Variants in ZMYM4 observed in about 807,000 individuals in gnomAD.
The protein encoded by ZMYM4 is zinc finger MYM-type protein 4.
A neutral mutation model predicts 183.2 loss-of-function variants in ZMYM4; 31 were observed. The ratio of observed to expected loss-of-function variants is 0.17; its 90% CI spans 0.13 to 0.23. The LOEUF is 0.23. Among genes scored for constraint, ZMYM4 ranks in the 10% least tolerant of loss-of-function variants. The pLI is 1.00. For missense variants in ZMYM4, 1,273 were observed against 1,840.3 expected (o/e 0.69, Z 5.64); for synonymous variants, 592 against 631.2 (o/e 0.94, Z 0.93).
rs1231646476 is a variant in ZMYM4 at position 35,352,386 on chromosome 1, G to GCGCGCACACACA, written c.86-6538_86-6537insGCGCACACACAC. Among the ~76,000 whole-genome samples, 940 of 128,462 alleles carry GCGCGCACACACA rather than the reference G, an allele frequency of 7.3e-3. 28 individuals are homozygous for GCGCGCACACACA. In the East Asian group the frequency reaches 0.1, roughly 14 times the overall value. 84.3% of individuals were successfully genotyped at this position (128,462 alleles called of 152,430 possible). On this transcript the variant is annotated intron_variant, in intron 2 of 29. Coordinates refer to ENST00000314607, the MANE Select transcript of ZMYM4 (RefSeq NM_005095.3). ...CTCTACTAATAATTTAAAAATTAGC[G>GCGCGCACACACA]CACACACACACACACACACACACAC...
intron 26 of ZMYM4, among the ~76,000 whole-genome samples, chr1:35,409,979 A>G (rs932270914): frequency 6.6e-6 from 1 of 151,770 alleles, no homozygotes; most frequent in Non-Finnish European, 1.5e-5. Context: ...ATCATGGCTT[A>G]TGGTTCTGCA....
chr1:35,367,024 C>CAA (rs1213113614), intron 5 of ZMYM4, among the ~76,000 whole-genome samples: 177 of 82,876 alleles, frequency 2.1e-3, no homozygotes, highest in African/African-American at 4.2e-3. Flanking sequence ...AACTCCATCT[C>CAA]AAAAAAAAAA....
At chr1:35,301,545 C>CAAAAAAAGAAAAAAAAAAAAAA (rs1641278716) in intron 1 of ZMYM4, among the ~76,000 whole-genome samples, 1 of 80,660 alleles carries the variant, frequency 1.2e-5, no homozygotes. Flanking sequence ...GAGGGTGTCT[C>CAAAAAAAGAAAAAAAAAAAAAA]AAAAAAAAAA....
At chr1:35,350,075 G>A (rs1421531736) in intron 2 of ZMYM4, among the ~76,000 whole-genome samples, 1 of 151,360 alleles carries the variant, frequency 6.6e-6, no homozygotes, top group African/African-American at 2.4e-5. Context: ...TGATCCTCCT[G>A]CCTCAGCCTC....
intron 2 of ZMYM4, among the ~76,000 whole-genome samples, chr1:35,328,559 G>A (rs1020902766): frequency 7.0e-6 from 1 of 142,368 alleles, no homozygotes; most frequent in Non-Finnish European, 1.5e-5. Context: ...GCCTCCCAAA[G>A]TGCTGGGATT....
chr1:35,411,187 CT>C (rs1019150941), intron 26 of ZMYM4, among the ~76,000 whole-genome samples: 3,468 of 131,408 alleles, frequency 0.026, 98 homozygotes, highest in African/African-American at 0.085. Context: ...TTTCTTTTTT[CT>C]TTTTTTTTTT....
intron 2 of ZMYM4, among the ~76,000 whole-genome samples, chr1:35,328,081 T>A (rs1382643312): frequency 3.9e-5 from 6 of 152,178 alleles, no homozygotes; most frequent in Non-Finnish European, 7.3e-5. Context: ...AAGGTTTTAA[T>A]CTGATGGATT....
At chr1:35,336,925 A>G (rs898311056) in intron 2 of ZMYM4, among the ~76,000 whole-genome samples, 11 of 152,178 alleles carry the variant, frequency 7.2e-5, no homozygotes, top group African/African-American at 2.7e-4. Context: ...CTCATGAGGT[A>G]TCATGGTTTT....
chr1:35,348,173 G>A (rs917465384), intron 2 of ZMYM4, among the ~76,000 whole-genome samples: 1 of 152,160 alleles, frequency 6.6e-6, no homozygotes, highest in African/African-American at 2.4e-5. Context: ...TAAAGCCTTA[G>A]TGCGTAAGTT....
In ZMYM4 at chr1:35,399,524, G is replaced by A. The variant is rs373762116; in HGVS notation, c.3476G>A (p.Arg1159His). ...PLNKGQGIQA[R>H]SRTRRRHRDG... is the part of the protein sequence containing the mutation. ...AATAAAGGACAGGGAATCCAGGCACGTTCCCGAACAAGACGACGACACAGA... is the reference window on the plus strand; with the variant it reads ...AATAAAGGACAGGGAATCCAGGCACATTCCCGAACAAGACGACGACACAGA... The change falls in exon 23 of 30, where the codon CGT (arginine) becomes CAT (histidine). Residue 1159 changes from arginine to histidine, a missense_variant. Coordinates refer to ENST00000314607, the MANE Select transcript of ZMYM4 (RefSeq NM_005095.3). The A allele has an allele frequency of 4.3e-6, 7 of 1,613,914 alleles. No individual in the cohort carries two copies. The highest frequency in any genetic ancestry group is 2.7e-5 in the African/African-American group (2 of 74,902).
At position 35,387,203 on chromosome 1, in the gene ZMYM4, A is replaced by G; in HGVS notation, c.2037A>G (p.Ala679=). The G allele has an allele frequency of 1.9e-6, 3 of 1,614,238 alleles. No homozygotes were observed. The highest frequency in any genetic ancestry group is 2.5e-6 in the Non-Finnish European group (3 of 1,180,030). Residue 679 remains alanine, a synonymous_variant, in exon 12 of 30, where the codon GCA becomes GCG. Coordinates refer to ENST00000314607, the MANE Select transcript of ZMYM4 (RefSeq NM_005095.3). ...LAAQSQHVGF[A]RSVVKLKCQH... is the part of the protein sequence containing the mutation. The stretch of plus-strand genomic sequence containing the variant: ...CCCAGTCCCAGCATGTTGGGTTTGC[A>G]CGAAGTGTTGTGAAACTCAAATGTC...
In ZMYM4 at chr1:35,413,954, C is replaced by CT. The variant is rs142314196; in HGVS notation, c.3949-8dup. 7.3e-3 allele frequency: 8,551 copies of CT among 1,170,932 alleles called. 1 individual carries two copies. The highest frequency in any genetic ancestry group is 8.7e-3 in the South Asian group (563 of 65,074). 72.5% of individuals were successfully genotyped at this position (1,170,932 alleles called of 1,614,324 possible). On this transcript the variant is annotated splice_polypyrimidine_tract_variant and intron_variant, in intron 26 of 29. Coordinates refer to ENST00000314607, the MANE Select transcript of ZMYM4 (RefSeq NM_005095.3). ...TTCTTTTTATCAACATGTATATTTT[C>CT]TTTTTTTTTTCTTGTAGTACCTGTT...
Position 35,361,805 on chromosome 1 carries a change from T to G in ZMYM4, c.840+16T>G, listed in dbSNP as rs768356362. Reference sequence around the variant, plus strand: ...CAATGCTCAAGTAAACATTTCACCTTTTTTCCCCCCTTCTTTTTGTTCCAC... The same window carrying G: ...CAATGCTCAAGTAAACATTTCACCTGTTTTCCCCCCTTCTTTTTGTTCCAC... On this transcript the variant is annotated intron_variant, in intron 5 of 29. Transcript: ENST00000314607. The G allele has an allele frequency of 6.3e-7, 1 of 1,591,442 alleles. No individual in the cohort carries two copies. The highest frequency in any genetic ancestry group is 8.5e-7 in the Non-Finnish European group (1 of 1,171,656).
intron 2 of ZMYM4, among the ~76,000 whole-genome samples, chr1:35,329,849 C>T (rs1330324245): frequency 6.6e-6 from 1 of 152,112 alleles, no homozygotes; most frequent in African/African-American, 2.4e-5. Context: ...TCACCACGCC[C>T]TACCCTTTAA....
chr1:35,329,255 C>T (rs191129466), intron 2 of ZMYM4, among the ~76,000 whole-genome samples: 40 of 152,256 alleles, frequency 2.6e-4, no homozygotes, highest in African/African-American at 8.2e-4. Context: ...AGAGAAGGTG[C>T]GTTTCTTCAA....
rs569028425 is a variant in ZMYM4, at chr1:35,385,369, T to C, written c.1570-73T>C. ...TTTCAAATATTTCAAAAGTGTTGAG[T>C]ATAAACATTTCGAAGAATTATGCTT... On this transcript the variant is annotated intron_variant, in intron 9 of 29. Transcript: ENST00000314607. 1.2e-5 allele frequency: 17 copies of C among 1,451,590 alleles called. No individual in the cohort carries two copies. In the East Asian group the frequency reaches 4.0e-4, roughly 34 times the overall value. The allele number at this position is 1,451,590 out of a possible 1,614,324, so 89.9% of individuals were successfully genotyped here.
intron 9 of ZMYM4, among the ~76,000 whole-genome samples, chr1:35,383,870 C>T (rs182272012): frequency 6.6e-6 from 1 of 152,264 alleles, no homozygotes; most frequent in East Asian, 1.9e-4. Context: ...TTGGGGAAAG[C>T]AGTTAAGCTC....
intron 1 of ZMYM4, among the ~76,000 whole-genome samples, chr1:35,286,570 G>A (rs983455754): frequency 1.3e-5 from 2 of 149,886 alleles, no homozygotes; most frequent in African/African-American, 4.9e-5. Context: ...ATTCACTCCT[G>A]AGCCTGCCTG....
chr1:35,331,124 C>G (rs1642728360), intron 2 of ZMYM4, among the ~76,000 whole-genome samples: 3 of 149,868 alleles, frequency 2.0e-5, no homozygotes, highest in African/African-American at 7.3e-5. Flanking sequence ...TTAAAAAAAA[C>G]TACTTAAAAA....
Sources: allele counts gnomAD v4.1 joint callset (sites outside exome capture counted in the v4.1 genomes callset), GRCh38; gene constraint gnomAD v4.1.1; transcripts MANE v1.5; gene names NCBI Gene and HGNC (gene_info 2026-07-23, HGNC 2026-07-21).